SEMA5A: variants seen among roughly 807,000 people sequenced by gnomAD.
SEMA5A encodes semaphorin-5A.
A neutral mutation model predicts 135.5 loss-of-function variants in SEMA5A; 55 were observed. That is an observed-to-expected ratio of 0.41 (90% CI 0.33 to 0.51). The LOEUF is 0.51. SEMA5A is among the 20% of genes least tolerant of loss of function. The probability of loss-of-function intolerance (pLI) is 0.37; values close to 1 mark genes in which losing one functional copy is unlikely to be tolerated. For missense variants in SEMA5A, 1,290 were observed against 1,419.9 expected (o/e 0.91, Z 1.47); for synonymous variants, 580 against 546.5 (o/e 1.06, Z -0.85).
At chr5:9,123,463 G>A (rs1166829396) in intron 13 of SEMA5A, among the ~76,000 whole-genome samples, 2 of 151,144 alleles carry the variant, frequency 1.3e-5, no homozygotes, top group East Asian at 3.9e-4. Context: ...GGAAGGAGAA[G>A]AAAAAGGAGA....
At chr5:9,043,148 A>G (rs1355926480) in intron 22 of SEMA5A, 132 bp from the exon 23 acceptor site, 1 of 828,186 alleles carries the variant, frequency 1.2e-6, no homozygotes, top group African/African-American at 1.7e-5. Flanking sequence ...ATGTTTTCTT[A>G]TTTATTTGCT....
chr5:9,471,982 T>G (rs1759493259), intron 1 of SEMA5A, among the ~76,000 whole-genome samples: 1 of 152,204 alleles, frequency 6.6e-6, no homozygotes, highest in Non-Finnish European at 1.5e-5. Context: ...ATAATGCAAA[T>G]TATTAAGAAT....
At chr5:9,338,850 G>A (rs1020266337) in intron 3 of SEMA5A, among the ~76,000 whole-genome samples, 10 of 152,058 alleles carry the variant, frequency 6.6e-5, no homozygotes, top group South Asian at 2.1e-4. Context: ...CCCCCATTCC[G>A]TCTCATATCC....
chr5:9,375,182 C>T lies in SEMA5A; in HGVS notation c.124+4641G>A, dbSNP rs114181401. On this transcript the variant is annotated intron_variant, in intron 3 of 22. Coordinates refer to ENST00000382496, the MANE Select transcript of SEMA5A (RefSeq NM_003966.3). ...CCCCCAACCCTGCACTGAAACTGCT[C>T]CGATAAATGCTGCCTTTTATGTGTC... 3.8e-3 allele frequency among the ~76,000 whole-genome samples: 586 copies of T among 152,266 alleles called. 8 individuals carry two copies. The highest frequency in any genetic ancestry group is 0.014 in the African/African-American group (564 of 41,562).
intron 2 of SEMA5A, among the ~76,000 whole-genome samples, chr5:9,400,043 C>A (rs530507784): frequency 5.3e-5 from 8 of 152,274 alleles, no homozygotes; most frequent in Admixed American, 5.2e-4. Flanking sequence ...TCATTCTCAG[C>A]AAACTAACAC....
intron 9 of SEMA5A, among the ~76,000 whole-genome samples, chr5:9,198,377 A>G (rs12519261): frequency 0.15 from 22,170 of 152,174 alleles, 1,911 homozygotes; most frequent in Admixed American, 0.26. Context: ...CCCTTCCCCA[A>G]TGTCAGCCAG....
At chr5:9,126,046 C>T (rs1741092864) in intron 13 of SEMA5A, among the ~76,000 whole-genome samples, 1 of 152,160 alleles carries the variant, frequency 6.6e-6, no homozygotes, top group Non-Finnish European at 1.5e-5. Flanking sequence ...AAGCATGTCT[C>T]TTGTTCATGG....
chr5:9,039,190 T>C lies in SEMA5A; in HGVS notation c.*3707A>G, dbSNP rs886928556. 3 of 152,282 alleles carry C rather than the reference T, an allele frequency of 2.0e-5. No individual in the cohort carries two copies. Among genetic ancestry groups the C allele is most frequent in the African/African-American group, 4.8e-5 (2 of 41,474 alleles). The allele number at this position is 152,282 out of a possible 1,614,324, so 9.4% of individuals were successfully genotyped here. On this transcript the variant is annotated 3_prime_UTR_variant, in exon 23 of 23. Coordinates refer to ENST00000382496, the MANE Select transcript of SEMA5A (RefSeq NM_003966.3). ...AAACTCTGGCACTCTGGGCAGTTGA[T>C]CCTGGCAGAGTCCAAGGGTCAGACC...
chr5:9,469,790 C>T (rs1349357107), intron 1 of SEMA5A, among the ~76,000 whole-genome samples: 1 of 152,174 alleles, frequency 6.6e-6, no homozygotes, highest in African/African-American at 2.4e-5. Context: ...CATGCAAGAA[C>T]CCCCAGCAGG....
At chr5:9,348,165 T>G (rs1203556269) in intron 3 of SEMA5A, among the ~76,000 whole-genome samples, 1 of 152,212 alleles carries the variant, frequency 6.6e-6, no homozygotes, top group East Asian at 1.9e-4. Context: ...GAGTTCAAAA[T>G]CTGCCTCACA....
At chr5:9,312,539 A>T (rs183021514) in intron 5 of SEMA5A, among the ~76,000 whole-genome samples, 288 of 152,288 alleles carry the variant, frequency 1.9e-3, no homozygotes, top group South Asian at 9.3e-3. Flanking sequence ...TCTGAAAATC[A>T]TAAGAAATAT....
intron 5 of SEMA5A, among the ~76,000 whole-genome samples, chr5:9,283,448 A>T (rs116300907): frequency 2.5e-3 from 377 of 152,324 alleles, no homozygotes; most frequent in Non-Finnish European, 3.7e-3. Context: ...CAAAGACAAC[A>T]GAAGGGCACC....
intron 12 of SEMA5A, among the ~76,000 whole-genome samples, chr5:9,139,926 C>T (rs1481509405): frequency 6.6e-6 from 1 of 152,046 alleles, no homozygotes; most frequent in African/African-American, 2.4e-5. Flanking sequence ...TATCCTTTAT[C>T]CACTTGAAAT....
chr5:9,362,947 A>G (rs1281922336), intron 3 of SEMA5A, among the ~76,000 whole-genome samples: 2 of 152,230 alleles, frequency 1.3e-5, no homozygotes, highest in East Asian at 1.9e-4. Context: ...GGGAGTGTTC[A>G]GGATTTCTCA....
chr5:9,108,218 G>A lies in SEMA5A; in HGVS notation c.1995C>T (p.Cys665=). 6.2e-7 allele frequency: 1 copy of A among 1,614,200 alleles called. No homozygotes were observed. The highest frequency in any genetic ancestry group is 8.5e-7 in the Non-Finnish European group (1 of 1,180,038). The change falls in exon 16 of 23, where the codon TGC becomes TGT. Residue 665 remains cysteine, a synonymous_variant. Coordinates refer to ENST00000382496, the MANE Select transcript of SEMA5A (RefSeq NM_003966.3). ...FWTGWGPWER[C]TAQCGGGIQA... ...GAATGCCACCCCCGCATTGGGCTGTGCACCGTTCCCAAGGACCCCAGCCTG... is the reference window on the plus strand; with the variant it reads ...GAATGCCACCCCCGCATTGGGCTGTACACCGTTCCCAAGGACCCCAGCCTG...
At chr5:9,525,372 A>AAGATC (rs1472704642) in intron 1 of SEMA5A, among the ~76,000 whole-genome samples, 1 of 152,248 alleles carries the variant, frequency 6.6e-6, no homozygotes, top group African/African-American at 2.4e-5. Flanking sequence ...AGAAGAAGCC[A>AAGATC]AGATCAATGT....
At chr5:9,355,489 G>T (rs1479705772) in intron 3 of SEMA5A, among the ~76,000 whole-genome samples, 4 of 152,134 alleles carry the variant, frequency 2.6e-5, no homozygotes, top group Non-Finnish European at 4.4e-5. Context: ...GATAACACCC[G>T]AGATTTTCAC....
At chr5:9,251,778 A>G (rs573365746) in intron 5 of SEMA5A, among the ~76,000 whole-genome samples, 1 of 152,324 alleles carries the variant, frequency 6.6e-6, no homozygotes, top group African/African-American at 2.4e-5. Context: ...AGTCCAAAGG[A>G]GCACATCCAT....
At chr5:9,306,900 G>A (rs1244035979) in intron 5 of SEMA5A, among the ~76,000 whole-genome samples, 2 of 152,138 alleles carry the variant, frequency 1.3e-5, no homozygotes, top group African/African-American at 4.8e-5. Flanking sequence ...ATTTGATTTT[G>A]ATGCTCCTTT....
Sources: gnomAD v4.1 joint callset for allele counts (sites outside exome capture counted in the v4.1 genomes callset) on GRCh38, gnomAD v4.1.1 for gene constraint, MANE v1.5 for transcripts, NCBI Gene and HGNC (gene_info 2026-07-23, HGNC 2026-07-21) for gene names.